ABTB3: variants seen among roughly 807,000 people sequenced by gnomAD.
ABTB3 encodes the protein ankyrin repeat and BTB domain containing 3.
the ABTB3 span, chr12:107,642,137 T>A: frequency 6.2e-7 from 1 of 1,614,118 alleles, no homozygotes; most frequent in South Asian, 1.1e-5. Flanking sequence ...GGCACCTGCA[T>A]AGAGATTGGT....
the ABTB3 span, among the ~76,000 whole-genome samples, chr12:107,461,080 G>T: frequency 8.4e-4 from 128 of 152,232 alleles, no homozygotes; most frequent in African/African-American, 2.9e-3. Context: ...AGAAGCAAAG[G>T]CACGTCCTAC....
the ABTB3 span, among the ~76,000 whole-genome samples, chr12:107,634,416 T>C: frequency 6.6e-6 from 1 of 152,022 alleles, no homozygotes; most frequent in Admixed American, 6.5e-5. Flanking sequence ...TCCAAATATA[T>C]TTGTAGAGGG....
the ABTB3 span, among the ~76,000 whole-genome samples, chr12:107,369,443 G>A: frequency 8.6e-5 from 12 of 139,086 alleles, no homozygotes; most frequent in Admixed American, 5.2e-4. Context: ...TTGTCACCCC[G>A]GCTGGAGTGA....
the ABTB3 span, among the ~76,000 whole-genome samples, chr12:107,402,330 C>T: frequency 6.6e-6 from 1 of 152,134 alleles, no homozygotes; most frequent in Non-Finnish European, 1.5e-5. Context: ...CAAAGGATGG[C>T]CCAGGAGAAA....
chr12:107,467,666 C>A, the ABTB3 span, among the ~76,000 whole-genome samples: 1 of 152,182 alleles, frequency 6.6e-6, no homozygotes, highest in East Asian at 1.9e-4. Flanking sequence ...ACATCAAGAC[C>A]CAGCTATATC....
At chr12:107,366,240 A>G in the ABTB3 span, among the ~76,000 whole-genome samples, 7 of 152,310 alleles carry the variant, frequency 4.6e-5, no homozygotes, top group African/African-American at 1.4e-4. Flanking sequence ...CAGTTCACAG[A>G]TGACTGTTGA....
the ABTB3 span, among the ~76,000 whole-genome samples, chr12:107,546,160 T>C: frequency 6.6e-6 from 1 of 152,246 alleles, no homozygotes; most frequent in African/African-American, 2.4e-5. Flanking sequence ...AGAGAACACA[T>C]CTGTTTTGGC....
the ABTB3 span, among the ~76,000 whole-genome samples, chr12:107,623,731 C>G: frequency 6.6e-6 from 1 of 152,162 alleles, no homozygotes. Flanking sequence ...GGAGTGCCCA[C>G]TTGGTTCCAG....
chr12:107,432,574 A>G, the ABTB3 span, among the ~76,000 whole-genome samples: 1 of 152,180 alleles, frequency 6.6e-6, no homozygotes, highest in Admixed American at 6.5e-5. Context: ...GCCAGTGCCT[A>G]GCTTCATGGC....
At chr12:107,488,830 T>G in the ABTB3 span, among the ~76,000 whole-genome samples, 2 of 152,140 alleles carry the variant, frequency 1.3e-5, no homozygotes, top group Middle Eastern at 3.4e-3. Context: ...AGAGAAAAGC[T>G]CAAAAAGACC....
At chr12:107,509,221 GAGA>G in the ABTB3 span, among the ~76,000 whole-genome samples, 1 of 152,208 alleles carries the variant, frequency 6.6e-6, no homozygotes, top group African/African-American at 2.4e-5. Flanking sequence ...ACCCCTGGGA[GAGA>G]AGGAGGGATG....
the ABTB3 span, among the ~76,000 whole-genome samples, chr12:107,551,017 C>A: frequency 1.3e-5 from 2 of 152,182 alleles, no homozygotes; most frequent in Non-Finnish European, 2.9e-5. Context: ...AAAAATACCA[C>A]CCCAATGTAA....
chr12:107,356,823 T>TAAA, the ABTB3 span, among the ~76,000 whole-genome samples: 1 of 152,238 alleles, frequency 6.6e-6, no homozygotes, highest in South Asian at 2.1e-4. Flanking sequence ...GATCTGTCAG[T>TAAA]GATCCCGCCA....
the ABTB3 span, among the ~76,000 whole-genome samples, chr12:107,402,630 C>A: frequency 2.6e-5 from 4 of 152,176 alleles, no homozygotes; most frequent in Non-Finnish European, 4.4e-5. Context: ...CAAAACCAAG[C>A]TGCAGCTCCC....
chr12:107,638,666 A>G, the ABTB3 span, among the ~76,000 whole-genome samples: 695 of 152,354 alleles, frequency 4.6e-3, 3 homozygotes, highest in Non-Finnish European at 7.4e-3. Flanking sequence ...TACTAATAGT[A>G]TAATGGTCAA....
the ABTB3 span, among the ~76,000 whole-genome samples, chr12:107,578,383 C>CTTTTTTTTTTTTTTT: frequency 2.9e-3 from 167 of 57,216 alleles, 2 homozygotes; most frequent in East Asian, 4.8e-3. Flanking sequence ...CTTTCTTCTT[C>CTTTTTTTTTTTTTTT]TTTTTTTTTT....
At chr12:107,491,995 A>G in the ABTB3 span, among the ~76,000 whole-genome samples, 301 of 71,822 alleles carry the variant, frequency 4.2e-3, no homozygotes, top group African/African-American at 0.031. Context: ...CCTCTAGTCC[A>G]TCTCCCCAGG....
the ABTB3 span, among the ~76,000 whole-genome samples, chr12:107,467,777 G>A: frequency 2.0e-5 from 3 of 152,232 alleles, no homozygotes; most frequent in African/African-American, 7.2e-5. Context: ...AAAAGACCAG[G>A]AGAAAATGCT....
At chr12:107,405,592 C>T in the ABTB3 span, among the ~76,000 whole-genome samples, 24,661 of 152,200 alleles carry the variant, frequency 0.16, 3,916 homozygotes, top group East Asian at 0.41. Context: ...AGGAGAGCTG[C>T]GAATGGCAGA....
Sources: gnomAD v4.1 joint callset for allele counts (sites outside exome capture counted in the v4.1 genomes callset) on GRCh38, gnomAD v4.1.1 for gene constraint, MANE v1.5 for transcripts, NCBI Gene and HGNC (gene_info 2026-07-23, HGNC 2026-07-21) for gene names.